The following CCDC85C variants were observed in gnomAD, a reference collection of about 807,000 sequenced individuals.
CCDC85C encodes the protein coiled-coil domain containing 85C.
A neutral mutation model predicts 38.3 loss-of-function variants in CCDC85C; 18 were observed. That is an observed-to-expected ratio of 0.47 (90% confidence interval 0.33 to 0.70). The LOEUF is 0.70. CCDC85C is among the 30% of genes least tolerant of loss of function. CCDC85C has a pLI of 0.03. For missense variants in CCDC85C, 566 were observed against 621.2 expected, an observed-to-expected ratio of 0.91 and a Z score of 0.94; for synonymous variants, 264 against 293.8, an observed-to-expected ratio of 0.90 and a Z score of 1.04.
intron 1 of CCDC85C, among the ~76,000 whole-genome samples, chr14:99,555,965 C>CGGAAACAT (rs1898002149): frequency 2.0e-5 from 3 of 152,212 alleles, no homozygotes; most frequent in Admixed American, 6.5e-5. Flanking sequence ...CCTAATGACA[C>CGGAAACAT]GGAAACATCA....
In CCDC85C at chr14:99,507,110, C is replaced by T. The variant is rs761887471; in HGVS notation, c.*8136G>A. On this transcript the variant is annotated 3_prime_UTR_variant, in exon 6 of 6. Coordinates refer to ENST00000380243, the MANE Select transcript of CCDC85C (RefSeq NM_001144995.2). The stretch of plus-strand genomic sequence containing the variant: ...CACCTAAAATCCCCAAAATTGAGAC[C>T]ACTCATCCACCGTTGCCTCCAGCCC... 8.3e-5 allele frequency: 134 copies of T among 1,612,306 alleles called. No individual in the cohort carries two copies. Among genetic ancestry groups the T allele is most frequent in the Admixed American group, 1.5e-4 (9 of 60,008 alleles).
At chr14:99,562,084 C>T (rs572942410) in intron 1 of CCDC85C, among the ~76,000 whole-genome samples, 2 of 152,294 alleles carry the variant, frequency 1.3e-5, no homozygotes, top group South Asian at 2.1e-4. Flanking sequence ...AGTGTTACCC[C>T]ACAGGTGAGG....
chr14:99,600,318 A>T (rs2055186103), intron 1 of CCDC85C, among the ~76,000 whole-genome samples: 1 of 152,180 alleles, frequency 6.6e-6, no homozygotes, highest in South Asian at 2.1e-4. Context: ...GAGCACAGAG[A>T]GGCTTGGCCA....
Position 99,564,597 on chromosome 14 carries a change from CA to C in CCDC85C, c.794-28510del, listed in dbSNP as rs142772920. ...CTCTACCACCTGACTCTGAGCCCCC[CA>C]GGGGGGCAGGCCCCAGCTGGCTGGT... On this transcript the variant is annotated intron_variant, in intron 1 of 5. Coordinates refer to ENST00000380243, the MANE Select transcript of CCDC85C (RefSeq NM_001144995.2). Among the ~76,000 whole-genome samples the C allele has an allele frequency of 1.3e-3, 191 of 152,326 alleles. 1 individual carries two copies. The highest frequency in any genetic ancestry group is 4.5e-3 in the African/African-American group (187 of 41,578).
At chr14:99,574,407 A>T (rs1016569606) in intron 1 of CCDC85C, among the ~76,000 whole-genome samples, 1 of 151,672 alleles carries the variant, frequency 6.6e-6, no homozygotes. Flanking sequence ...CTCTCCCCCA[A>T]ACAGGTCCTG....
At chr14:99,575,178 C>T (rs1269400134) in intron 1 of CCDC85C, among the ~76,000 whole-genome samples, 1 of 152,246 alleles carries the variant, frequency 6.6e-6, no homozygotes, top group African/African-American at 2.4e-5. Flanking sequence ...TTCCCGTACA[C>T]AGGAGTCTTC....
Position 99,547,285 on chromosome 14 carries a change from G to A in CCDC85C, c.794-11197C>T, listed in dbSNP as rs140260196. Among the ~76,000 whole-genome samples, 254 of 152,242 alleles carry A rather than the reference G, an allele frequency of 1.7e-3. 1 individual carries two copies. Among genetic ancestry groups the A allele is most frequent in the African/African-American group, 5.9e-3 (246 of 41,520 alleles). ...AGACACCAAAGATCGTATACTGTAC[G>A]TTTCCATTTATATAAAATCTCCAGA... On this transcript the variant is annotated intron_variant, in intron 1 of 5. Transcript: ENST00000380243.
intron 1 of CCDC85C, among the ~76,000 whole-genome samples, chr14:99,555,896 T>G (rs10139668): frequency 0.58 from 87,651 of 152,106 alleles, 25,950 homozygotes; most frequent in African/African-American, 0.72. Flanking sequence ...CACCTCAGGT[T>G]CCCCTGATCA....
Position 99,585,719 on chromosome 14 carries a change from G to A in CCDC85C, c.793+17448C>T, listed in dbSNP as rs184312807. ...TCGGAGATCGCACGGGTGGATGCAC[G>A]ACTAGCGTTCAGATGCAAAGACCCT... is the stretch of plus-strand genomic sequence containing the variant. On this transcript the variant is annotated intron_variant, in intron 1 of 5. Coordinates refer to ENST00000380243, the MANE Select transcript of CCDC85C (RefSeq NM_001144995.2). Among the ~76,000 whole-genome samples, 139 of 152,318 alleles carry A rather than the reference G, an allele frequency of 9.1e-4. 1 individual carries two copies. The highest frequency in any genetic ancestry group is 2.6e-3 in the Admixed American group (40 of 15,308).
At chr14:99,528,484 C>G (rs1897431010) in intron 2 of CCDC85C, among the ~76,000 whole-genome samples, 1 of 152,180 alleles carries the variant, frequency 6.6e-6, no homozygotes, top group Non-Finnish European at 1.5e-5. Context: ...CTGCCATGTG[C>G]CCGGCACTGG....
At position 99,576,502 on chromosome 14, in the gene CCDC85C, C is replaced by T. The variant is rs908353445; in HGVS notation, c.793+26665G>A. On this transcript the variant is annotated intron_variant, in intron 1 of 5. Coordinates refer to ENST00000380243, the MANE Select transcript of CCDC85C (RefSeq NM_001144995.2). The surrounding 1 kb of genome is among the most constrained non-coding windows in gnomAD (Gnocchi z 4.8). Reference sequence around the variant, plus strand: ...CCAGCACAGGATGGTGCTGTCCACGCACTTCTCATGAACCACACCAGTGGG... The same window carrying T: ...CCAGCACAGGATGGTGCTGTCCACGTACTTCTCATGAACCACACCAGTGGG... 1 of 152,316 alleles carries T rather than the reference C, an allele frequency of 6.6e-6. No individual in the cohort carries two copies. Among genetic ancestry groups the T allele is most frequent in the Non-Finnish European group, 1.5e-5 (1 of 68,134 alleles). The allele number at this position is 152,316 out of a possible 1,614,324, so 9.4% of individuals were successfully genotyped here. A position where few individuals can be genotyped will look rare whatever the true frequency, so the allele number is the denominator to read the frequency against.
In CCDC85C at chr14:99,502,081, A is replaced by G; in HGVS notation, c.*13165T>C. ...AGTAAAGACTTGAGTTTATTTATTT[A>G]TAGTACTTTAATTAAATTTAGGGGA... On this transcript the variant is annotated 3_prime_UTR_variant, in exon 6 of 6. Transcript: ENST00000380243. The G allele has an allele frequency of 9.6e-7, 1 of 1,039,744 alleles. No individual in the cohort carries two copies. The highest frequency in any genetic ancestry group is 2.8e-5 in the East Asian group (1 of 36,046). The allele number at this position is 1,039,744 out of a possible 1,614,324, so 64.4% of individuals were successfully genotyped here.
chr14:99,568,246 C>CT lies in CCDC85C; in HGVS notation c.794-32159dup, dbSNP rs776784723. Among the ~76,000 whole-genome samples, 117 of 114,486 alleles carry CT rather than the reference C, an allele frequency of 1.0e-3. 5 individuals carry two copies. Among genetic ancestry groups the CT allele is most frequent in the Non-Finnish European group, 1.1e-3 (64 of 58,418 alleles). The allele number at this position is 114,486 out of a possible 152,430, so 75.1% of individuals were successfully genotyped here. A position where few individuals can be genotyped will look rare whatever the true frequency, so the allele number is the denominator to read the frequency against. On this transcript the variant is annotated intron_variant, in intron 1 of 5. Transcript: ENST00000380243. ...AGACACTCTCTGGAGGCCACCTGCC[C>CT]TTTATTTTTTTTTTTTTTTTTTTTG...
rs529525007 is a variant in CCDC85C, at chr14:99,548,963, G to C, written c.794-12875C>G. ...TCCTCACATTGTTAGAGGCTTGCCA[G>C]GCAGGAGAAATTTTTAAAAACTGCA... is the stretch of plus-strand genomic sequence containing the variant. On this transcript the variant is annotated intron_variant, in intron 1 of 5. Coordinates refer to ENST00000380243, the MANE Select transcript of CCDC85C (RefSeq NM_001144995.2). This position sits in a 1 kb window ranked among gnomAD's most constrained non-coding sequence, Gnocchi z 4.9. Among the ~76,000 whole-genome samples, 143 of 152,322 alleles carry C rather than the reference G, an allele frequency of 9.4e-4. No individual in the cohort carries two copies. The highest frequency in any genetic ancestry group is 3.8e-3 in the Admixed American group (58 of 15,302).
rs796455659 is a variant in CCDC85C at position 99,537,793 on chromosome 14, GACAAACAGTTCCCATGCCCACCCA to G, written c.794-1729_794-1706del. On this transcript the variant is annotated intron_variant, in intron 1 of 5. Transcript: ENST00000380243. ...GTTTACTCATTACTCTATCAACCCC[GACAAACAGTTCCCATGCCCACCCA>G]AGCAAAGCGGTGTGATGGGAAGAGG... is the stretch of plus-strand genomic sequence containing the variant. Among the ~76,000 whole-genome samples the G allele has an allele frequency of 2.8e-4, 43 of 152,186 alleles. 2 individuals carry two copies. Among genetic ancestry groups the G allele is most frequent in the African/African-American group, 8.7e-4 (36 of 41,488 alleles).
chr14:99,602,540 C>A lies in CCDC85C; in HGVS notation c.793+627G>T, dbSNP rs373311638. Among the ~76,000 whole-genome samples the A allele has an allele frequency of 1.4e-4, 21 of 152,202 alleles. No homozygotes were observed. The East Asian group carries it at 2.1e-3, about 15-fold the overall frequency. On this transcript the variant is annotated intron_variant, in intron 1 of 5. Coordinates refer to ENST00000380243, the MANE Select transcript of CCDC85C (RefSeq NM_001144995.2). ...TAGAATCCGTTCCAAATACATCTCC[C>A]TCGGGAAAGTCTTAGAGTCTCGGCT...
chr14:99,587,896 TC>T (rs1216344474), intron 1 of CCDC85C, among the ~76,000 whole-genome samples: 5 of 152,172 alleles, frequency 3.3e-5, no homozygotes, highest in African/African-American at 1.2e-4. Flanking sequence ...CACAGAAATG[TC>T]TGCCATACAA....
chr14:99,535,897 G>T lies in CCDC85C; in HGVS notation c.867+118C>A. The T allele has an allele frequency of 1.4e-6, 1 of 729,292 alleles. No individual in the cohort carries two copies. Among genetic ancestry groups the T allele is most frequent in the Non-Finnish European group, 2.4e-6 (1 of 421,952 alleles). 45.2% of individuals were successfully genotyped at this position (729,292 alleles called of 1,614,324 possible). On this transcript the variant is annotated intron_variant, in intron 2 of 5. Coordinates refer to ENST00000380243, the MANE Select transcript of CCDC85C (RefSeq NM_001144995.2). This position sits in a 1 kb window ranked among gnomAD's most constrained non-coding sequence, Gnocchi z 5.5. ...CCCACTTTCCAGGAGGTGACAGGTGGCAGTGGGAGCAGTTGGGGGGACAGC... is the reference window on the plus strand; with the variant it reads ...CCCACTTTCCAGGAGGTGACAGGTGTCAGTGGGAGCAGTTGGGGGGACAGC...
intron 5 of CCDC85C, among the ~76,000 whole-genome samples, chr14:99,515,910 G>A (rs527241513): frequency 6.6e-6 from 1 of 152,118 alleles, no homozygotes; most frequent in East Asian, 1.9e-4. Flanking sequence ...GGGGGGGTGG[G>A]GGGCTCAAGC....
Sources: gnomAD v4.1 joint callset for allele counts (sites outside exome capture counted in the v4.1 genomes callset) on GRCh38, gnomAD v4.1.1 for gene constraint, Gnocchi (gnomAD v3.1) non-coding constraint, MANE v1.5 for transcripts, NCBI Gene and HGNC (gene_info 2026-07-23, HGNC 2026-07-21) for gene names.